The following CACNG4 variants were observed in gnomAD, a reference collection of about 807,000 sequenced individuals.
The protein encoded by CACNG4 is voltage-dependent calcium channel gamma-4 subunit.
In CACNG4, 8 loss-of-function variants were observed where a neutral mutation model predicts 22.9. That is an observed-to-expected ratio of 0.35 (90% CI 0.21 to 0.63). The LOEUF (loss-of-function observed/expected upper bound fraction) is 0.63. Among genes scored for constraint, CACNG4 ranks in the 30% least tolerant of loss-of-function variants. The pLI is 0.72. For synonymous variants in CACNG4, 188 were observed against 191.9 expected, an observed-to-expected ratio of 0.98 and a Z score of 0.17; for missense variants, 357 against 455.4, an observed-to-expected ratio of 0.78 and a Z score of 1.97.
intron 1 of CACNG4, among the ~76,000 whole-genome samples, chr17:66,978,088 G>A (rs945186081): frequency 2.6e-5 from 4 of 152,158 alleles, no homozygotes; most frequent in African/African-American, 9.7e-5. Flanking sequence ...CTTTTGCTTG[G>A]CATCTTGGAG....
At chr17:67,028,332 T>C (rs2035580517) in intron 3 of CACNG4, among the ~76,000 whole-genome samples, 2 of 152,028 alleles carry the variant, frequency 1.3e-5, no homozygotes, top group African/African-American at 4.8e-5. Context: ...GGCGGGCGGA[T>C]CACAAGCTCA....
intron 1 of CACNG4, among the ~76,000 whole-genome samples, chr17:67,012,148 G>A (rs2035472099): frequency 6.6e-6 from 1 of 152,172 alleles, no homozygotes; most frequent in Non-Finnish European, 1.5e-5. Context: ...GAATCAAGAG[G>A]CTGGATTCCA....
chr17:67,017,533 GT>G (rs1473868749), intron 1 of CACNG4, among the ~76,000 whole-genome samples: 6 of 138,604 alleles, frequency 4.3e-5, no homozygotes, highest in Non-Finnish European at 7.6e-5. Flanking sequence ...GTTTGTTGTT[GT>G]TTGAGACAGA....
intron 1 of CACNG4, among the ~76,000 whole-genome samples, chr17:66,982,422 G>T (rs117472095): frequency 1.3e-5 from 2 of 151,954 alleles, no homozygotes; most frequent in African/African-American, 4.8e-5. Flanking sequence ...ACCAATTGGC[G>T]CATTTTACAA....
intron 2 of CACNG4, chr17:67,020,068 G>C (rs1403157861): frequency 6.6e-6 from 1 of 152,454 alleles, no homozygotes; most frequent in Non-Finnish European, 1.5e-5. Flanking sequence ...ATAGGTGAGG[G>C]GGGCAGGCAT....
chr17:66,969,054 A>G (rs2035188571), intron 1 of CACNG4, among the ~76,000 whole-genome samples: 1 of 152,154 alleles, frequency 6.6e-6, no homozygotes, highest in South Asian at 2.1e-4. Context: ...AAGGTTTATC[A>G]AAGGCATCAC....
At chr17:66,988,163 C>T (rs1476394052) in intron 1 of CACNG4, among the ~76,000 whole-genome samples, 1 of 151,990 alleles carries the variant, frequency 6.6e-6, no homozygotes, top group Non-Finnish European at 1.5e-5. Flanking sequence ...GTGTACTGCA[C>T]CTGGGAGCAT....
intron 1 of CACNG4, among the ~76,000 whole-genome samples, chr17:66,997,690 G>A (rs557188796): frequency 6.5e-4 from 99 of 152,236 alleles, no homozygotes; most frequent in African/African-American, 2.3e-3. Context: ...GGTAGCACAC[G>A]GCTGTAATCC....
At chr17:66,982,026 C>T (rs935135394) in intron 1 of CACNG4, among the ~76,000 whole-genome samples, 3 of 152,150 alleles carry the variant, frequency 2.0e-5, no homozygotes, top group African/African-American at 7.2e-5. Flanking sequence ...TTGATTCATT[C>T]TGATAGGTTT....
At chr17:66,990,808 G>C (rs1437175724) in intron 1 of CACNG4, among the ~76,000 whole-genome samples, 1 of 152,008 alleles carries the variant, frequency 6.6e-6, no homozygotes. Context: ...AGCCTCCTGA[G>C]TAGCTGGGAC....
intron 1 of CACNG4, among the ~76,000 whole-genome samples, chr17:67,014,516 A>G (rs931102343): frequency 1.3e-5 from 2 of 152,150 alleles, no homozygotes; most frequent in African/African-American, 4.8e-5. Context: ...GAAAGTGCCA[A>G]TGTGGTTTGA....
intron 1 of CACNG4, among the ~76,000 whole-genome samples, chr17:66,979,609 C>T (rs3785595): frequency 0.53 from 79,872 of 151,976 alleles, 22,254 homozygotes; most frequent in African/African-American, 0.72. Flanking sequence ...TCTCCTTCTT[C>T]TTTCGAACTT....
intron 1 of CACNG4, among the ~76,000 whole-genome samples, chr17:66,981,946 T>A (rs1040094196): frequency 1.8e-4 from 28 of 152,122 alleles, no homozygotes; most frequent in African/African-American, 5.6e-4. Flanking sequence ...TAAAAAAAAA[T>A]TTTTAGAGAT....
intron 2 of CACNG4, 123 bp from the exon 3 acceptor site, chr17:67,024,737 G>A: frequency 8.9e-7 from 1 of 1,127,538 alleles, no homozygotes; most frequent in Non-Finnish European, 1.2e-6. Context: ...GGTCCTGATG[G>A]GAATCTCAAA....
chr17:66,982,720 C>A (rs2035284505), intron 1 of CACNG4, among the ~76,000 whole-genome samples: 1 of 152,190 alleles, frequency 6.6e-6, no homozygotes, highest in Non-Finnish European at 1.5e-5. Flanking sequence ...CCATGCCCAT[C>A]TAATTTTAAT....
At chr17:66,987,695 A>C (rs2143301375) in intron 1 of CACNG4, among the ~76,000 whole-genome samples, 1 of 152,292 alleles carries the variant, frequency 6.6e-6, no homozygotes, top group South Asian at 2.1e-4. Flanking sequence ...GAGATGCAGC[A>C]GCTGCAGAAA....
intron 1 of CACNG4, among the ~76,000 whole-genome samples, chr17:66,997,620 C>A (rs1205405197): frequency 3.9e-5 from 6 of 152,126 alleles, no homozygotes; most frequent in Non-Finnish European, 8.8e-5. Context: ...AGTTCGAGAC[C>A]AGCCTGGCCA....
At chr17:66,983,817 G>C (rs972798203) in intron 1 of CACNG4, among the ~76,000 whole-genome samples, 2 of 152,196 alleles carry the variant, frequency 1.3e-5, no homozygotes, top group African/African-American at 4.8e-5. Context: ...GCATTCACGT[G>C]GTGACTCCCA....
chr17:67,031,389 C>T lies in CACNG4; in HGVS notation c.*385C>T, dbSNP rs1234304774. The T allele has an allele frequency of 2.1e-6, 1 of 468,310 alleles. No homozygotes were observed. The highest frequency in any genetic ancestry group is 1.5e-5 in the South Asian group (1 of 64,668). 29.0% of individuals were successfully genotyped at this position (468,310 alleles called of 1,614,324 possible). A position where few individuals can be genotyped will look rare whatever the true frequency, so the allele number is the denominator to read the frequency against. ...AAAACGGGATTTCAGGGCCTTCCCT[C>T]CCTGCCTGGGTGTCGGGCCACCAGA... On this transcript the variant is annotated 3_prime_UTR_variant, in exon 4 of 4. Coordinates refer to ENST00000262138, the MANE Select transcript of CACNG4 (RefSeq NM_014405.4). This position sits in a 1 kb window ranked among gnomAD's most constrained non-coding sequence, Gnocchi z 4.0.
Sources: gnomAD v4.1 joint callset for allele counts (sites outside exome capture counted in the v4.1 genomes callset) on GRCh38, gnomAD v4.1.1 for gene constraint, Gnocchi (gnomAD v3.1) non-coding constraint, MANE v1.5 for transcripts, NCBI Gene and HGNC (gene_info 2026-07-23, HGNC 2026-07-21) for gene names.